The following TTC3 variants were observed in gnomAD, a reference collection of about 807,000 sequenced individuals.
TTC3 encodes tetratricopeptide repeat domain 3, also known as E3 ubiquitin-protein ligase TTC3.
In TTC3, 180 loss-of-function variants were observed where a neutral mutation model predicts 249.6. That is an observed-to-expected ratio of 0.72 (90% CI 0.64 to 0.82). The LOEUF (loss-of-function observed/expected upper bound fraction) is 0.82. Ranked by LOEUF, TTC3 falls within the 40% of genes least tolerant of loss-of-function variation. The pLI is 0.00. For synonymous variants in TTC3, 717 were observed against 805.0 expected (o/e 0.89, Z 1.85); for missense variants, 2,061 against 2,398.4 (o/e 0.86, Z 2.94).
chr21:37,081,411 C>T (rs1334564566), intron 1 of TTC3, among the ~76,000 whole-genome samples: 4 of 152,064 alleles, frequency 2.6e-5, no homozygotes, highest in Admixed American at 2.6e-4. Context: ...CCACTGCACC[C>T]AGCCTATTTA....
Position 37,156,072 on chromosome 21 carries a change from C to T in TTC3, c.2741-583C>T, listed in dbSNP as rs534782764. On this transcript the variant is annotated intron_variant, in intron 27 of 45. Transcript: ENST00000355666. ...TTTTTTTAGAGATAGGGTCTTGCCC[C>T]ATCACCCAGGCTGGAGTGCAGTGGC... Among the ~76,000 whole-genome samples the T allele has an allele frequency of 6.0e-5, 9 of 151,254 alleles. No individual in the cohort carries two copies. In the South Asian group the frequency reaches 6.3e-4, roughly 11 times the overall value.
At chr21:37,165,211 CATT>C (rs1268579417) in intron 32 of TTC3, among the ~76,000 whole-genome samples, 1 of 152,052 alleles carries the variant, frequency 6.6e-6, no homozygotes, top group Non-Finnish European at 1.5e-5. Flanking sequence ...TTCTTATTGG[CATT>C]ATTATCTTTC....
At chr21:37,085,745 G>C (rs767456932) in intron 1 of TTC3, 1 of 152,228 alleles carries the variant, frequency 6.6e-6, no homozygotes, top group East Asian at 1.9e-4. Flanking sequence ...CATGGACCTC[G>C]ATGTGGCTGG....
In TTC3 at chr21:37,195,684, G is replaced by A. The variant is rs138008526; in HGVS notation, c.5227G>A (p.Glu1743Lys). The change falls in exon 42 of 46, where the codon GAG (glutamate) becomes AAG (lysine). Residue 1743 changes from glutamate (E) to lysine (K), a missense_variant. Coordinates refer to ENST00000355666, the Ensembl canonical transcript of TTC3. ...GGTGTGTTCCTCACAGGTTCATCCCGAGTTACTCCCTGAGTCTTCAGGCGA... is the reference window on the plus strand; with the variant it reads ...GGTGTGTTCCTCACAGGTTCATCCCAAGTTACTCCCTGAGTCTTCAGGCGA... The A allele has an allele frequency of 4.4e-3, 7,144 of 1,607,866 alleles. 16 individuals carry two copies. Among genetic ancestry groups the A allele is most frequent in the Non-Finnish European group, 5.3e-3 (6,276 of 1,176,440 alleles).
intron 11 of TTC3, among the ~76,000 whole-genome samples, chr21:37,113,787 A>G (rs1424333478): frequency 4.6e-5 from 7 of 152,232 alleles, no homozygotes. Context: ...ACTTCAAACT[A>G]TACTACAAGG....
chr21:37,192,491 T>TTGTGTGTGTG (rs60538841), intron 41 of TTC3, among the ~76,000 whole-genome samples: 13,516 of 140,532 alleles, frequency 0.096, 821 homozygotes, highest in Admixed American at 0.17. Flanking sequence ...TCTTCTATCT[T>TTGTGTGTGTG]TGTGTGTGTG....
chr21:37,165,699 T>G (rs200697645), exon 33 of TTC3: 1 of 1,613,766 alleles, frequency 6.2e-7, no homozygotes, highest in African/African-American at 1.3e-5. Context: ...TGCCCTCGTT[T>G]TGTTGTGATT....
chr21:37,163,107 A>G (rs1487370297), intron 31 of TTC3, among the ~76,000 whole-genome samples: 1 of 152,244 alleles, frequency 6.6e-6, no homozygotes, highest in East Asian at 1.9e-4. Context: ...ATTCTTATGT[A>G]TCAGACATTG....
intron 15 of TTC3, among the ~76,000 whole-genome samples, chr21:37,128,772 C>T (rs1010365926): frequency 1.1e-4 from 16 of 151,984 alleles, no homozygotes; most frequent in African/African-American, 3.9e-4. Flanking sequence ...CTATGGTAGA[C>T]CTAAATCATA....
At position 37,192,204 on chromosome 21, in the gene TTC3, C is replaced by T. The variant is rs772412724; in HGVS notation, c.5208C>T (p.Ala1736=). 7.5e-6 allele frequency: 12 copies of T among 1,598,482 alleles called. No homozygotes were observed. The South Asian group carries it at 1.4e-4, about 18-fold the overall frequency. Residue 1736 remains alanine (A), a synonymous_variant, in exon 41 of 46, where the codon GCC becomes GCT. Coordinates refer to ENST00000355666, the Ensembl canonical transcript of TTC3. The stretch of plus-strand genomic sequence containing the variant: ...AGATTTCTGAGCTTTCATTTCCTGC[C>T]TGTAACACGGTAAGTCTAGCACATC...
chr21:37,159,858 A>G, intron 29 of TTC3, 113 bp downstream of exon 29: 1 of 987,290 alleles, frequency 1.0e-6, no homozygotes, highest in Non-Finnish European at 1.6e-6. Context: ...CAAGAACCAC[A>G]TTAAAAGGAC....
At chr21:37,087,186 A>G (rs2147660979) in intron 1 of TTC3, 61 bp from the exon 2 acceptor site, 2 of 1,571,108 alleles carry the variant, frequency 1.3e-6, no homozygotes, top group East Asian at 4.5e-5. Context: ...AAGCCAGGAA[A>G]ACTTTCTTCT....
At chr21:37,181,082 A>G (rs1229795884) in intron 35 of TTC3, among the ~76,000 whole-genome samples, 17 of 152,234 alleles carry the variant, frequency 1.1e-4, no homozygotes, top group Admixed American at 1.0e-3. Flanking sequence ...CCATGCAGTC[A>G]GAAACAAGCT....
chr21:37,181,732 TG>T (rs2082779713), intron 35 of TTC3, among the ~76,000 whole-genome samples: 1 of 152,164 alleles, frequency 6.6e-6, no homozygotes, highest in Non-Finnish European at 1.5e-5. Flanking sequence ...AAAACCTTGG[TG>T]TCTAAGGCTG....
At chr21:37,164,204 A>G (rs750901890) in exon 32 of TTC3, 2 of 1,608,694 alleles carry the variant, frequency 1.2e-6, no homozygotes, top group South Asian at 1.1e-5. Flanking sequence ...AAAAATGTTC[A>G]ACTCTATATG....
At chr21:37,195,579 C>T in intron 41 of TTC3, 96 bp from the exon 42 acceptor site, 1 of 1,491,604 alleles carries the variant, frequency 6.7e-7, no homozygotes, top group African/African-American at 1.4e-5. Context: ...AGCCTCTGCG[C>T]TGCGTTACTG....
intron 28 of TTC3, 157 bp downstream of exon 28, chr21:37,157,063 T>A: frequency 7.5e-7 from 1 of 1,328,850 alleles, no homozygotes; most frequent in Non-Finnish European, 1.0e-6. Flanking sequence ...ACAGTAGCAA[T>A]TTTTTTATAT....
intron 19 of TTC3, among the ~76,000 whole-genome samples, chr21:37,139,020 A>G (rs1432021200): frequency 6.6e-6 from 1 of 152,168 alleles, no homozygotes; most frequent in Non-Finnish European, 1.5e-5. Context: ...AAACATTGTG[A>G]TCCCACTTAT....
intron 34 of TTC3, 107 bp downstream of exon 34, chr21:37,167,727 T>G: frequency 1.3e-6 from 1 of 764,860 alleles, no homozygotes; most frequent in Non-Finnish European, 2.0e-6. Context: ...CCACACAAAG[T>G]TATCATGGAA....
Sources: gnomAD v4.1 joint callset for allele counts (sites outside exome capture counted in the v4.1 genomes callset) on GRCh38, gnomAD v4.1.1 for gene constraint, MANE v1.5 for transcripts, NCBI Gene and HGNC (gene_info 2026-07-23, HGNC 2026-07-21) for gene names.